SLC66A1: variants seen among roughly 807,000 people sequenced by gnomAD.
The protein encoded by SLC66A1 is lysosomal amino acid transporter 1 homolog.
In SLC66A1, 23 loss-of-function variants were observed where a neutral mutation model predicts 33.0. That is an observed-to-expected ratio of 0.70 (90% CI 0.50 to 0.99). SLC66A1 has a LOEUF of 0.99. Among genes scored for constraint, SLC66A1 ranks in the 50% least tolerant of loss-of-function variants. SLC66A1 has a pLI of 0.00. For synonymous variants in SLC66A1, 164 were observed against 175.5 expected (o/e 0.93, Z 0.52); for missense variants, 335 against 383.6 (o/e 0.87, Z 1.06).
At chr1:19,319,704 A>C (rs1438179377) in intron 2 of SLC66A1, among the ~76,000 whole-genome samples, 2 of 143,836 alleles carry the variant, frequency 1.4e-5, no homozygotes, top group South Asian at 4.5e-4. Flanking sequence ...GGAGTTCAAG[A>C]CCGGCCTGGC....
chr1:19,326,540 C>A lies in SLC66A1; in HGVS notation c.535C>A (p.Arg179=), dbSNP rs747371821. The A allele has an allele frequency of 1.2e-6, 2 of 1,614,130 alleles. No homozygotes were observed. Among genetic ancestry groups the A allele is most frequent in the African/African-American group, 2.7e-5 (2 of 74,956 alleles). ...CCCTTCTGCCCCACAGCCCTTCACC[C>A]GGCAGGAAGTCATTGGCTTCGTCAT... ...SVESGSKPFT[R]QEVIGFVIGS... The change falls in exon 6 of 8, where the codon CGG becomes AGG. Residue 179 remains arginine (R), a synonymous_variant. Transcript: ENST00000375153.
At chr1:19,319,605 G>GTTTT (rs569177720) in intron 2 of SLC66A1, among the ~76,000 whole-genome samples, 11,548 of 111,540 alleles carry the variant, frequency 0.1, 1,461 homozygotes, top group African/African-American at 0.2. Flanking sequence ...GCACATTCAT[G>GTTTT]TTTTTTTTTT....
Position 19,325,590 on chromosome 1 carries a change from T to TGG in SLC66A1, c.382+11_382+12dup, listed in dbSNP as rs979140390. On this transcript the variant is annotated intron_variant, in intron 4 of 7. Transcript: ENST00000375153. ...GGACGCGCCCCTCTCTGTGTGAGTA[T>TGG]GGGGACCGCTCTCTGTCAGATGCTC... The TGG allele has an allele frequency of 4.8e-6, 7 of 1,468,106 alleles. No individual in the cohort carries two copies. In the African/African-American group the frequency reaches 1.0e-4, roughly 22 times the overall value. The allele number at this position is 1,468,106 out of a possible 1,614,324, so 90.9% of individuals were successfully genotyped here.
rs1195990112 is a variant in SLC66A1 at position 19,317,732 on chromosome 1, A to C, written c.55A>C (p.Ile19Leu). Residue 19 changes from isoleucine to leucine, a missense_variant, in exon 2 of 8, where the codon ATC becomes CTC. Coordinates refer to ENST00000375153, the MANE Select transcript of SLC66A1 (RefSeq NM_001040125.2). Reference sequence around the variant, plus strand: ...CTTCTCCAGCTGCCCCAGTGGCTCCATCCAGTGGATATGGGATGTGTTGGG... The same window carrying C: ...CTTCTCCAGCTGCCCCAGTGGCTCCCTCCAGTGGATATGGGATGTGTTGGG... ...RNFSSCPSGS[I>L]QWIWDVLGEC... The C allele has an allele frequency of 6.2e-7, 1 of 1,614,070 alleles. No individual in the cohort carries two copies. Among genetic ancestry groups the C allele is most frequent in the African/African-American group, 1.3e-5 (1 of 74,936 alleles).
intron 2 of SLC66A1, among the ~76,000 whole-genome samples, chr1:19,321,024 T>C (rs2093834188): frequency 6.7e-6 from 1 of 149,948 alleles, no homozygotes; most frequent in South Asian, 2.1e-4. Context: ...TCTTTTCACT[T>C]TCTTGATGGT....
At chr1:19,333,793 A>G (rs765847989), downstream of SLC66A1, among the ~76,000 whole-genome samples, 17 of 152,124 alleles carry the variant, frequency 1.1e-4, no homozygotes, top group Admixed American at 2.6e-4. The surrounding 1 kb of genome is among the most constrained non-coding windows in gnomAD (Gnocchi z 4.2). Flanking sequence ...AGACCTAGCT[A>G]CCTGGGAGGT....
At position 19,325,551 on chromosome 1, in the gene SLC66A1, T is replaced by A; in HGVS notation, c.351T>A (p.Phe117Leu). Residue 117 changes from phenylalanine (F) to leucine (L), a missense_variant, in exon 4 of 8, where the codon TTT (phenylalanine) becomes TTA (leucine). Phe to Leu is a conservative substitution (Grantham distance 22, BLOSUM62 0). Coordinates refer to ENST00000375153, the MANE Select transcript of SLC66A1 (RefSeq NM_001040125.2). Reference sequence around the variant, plus strand: ...ACCTGGTGATGCTGACGCTGTACTTTTACTACAAGTTCAGGACGCGCCCCT... The same window carrying A: ...ACCTGGTGATGCTGACGCTGTACTTATACTACAAGTTCAGGACGCGCCCCT... ...LADLVMLTLYFYYKFRTRPSL... is the reference protein window; with the variant it reads ...LADLVMLTLYLYYKFRTRPSL... The A allele has an allele frequency of 2.5e-6, 4 of 1,596,598 alleles. No homozygotes were observed. The highest frequency in any genetic ancestry group is 3.4e-6 in the Non-Finnish European group (4 of 1,167,902).
intron 1 of SLC66A1, among the ~76,000 whole-genome samples, chr1:19,316,393 GTTTTC>G (rs1428850631): frequency 7.0e-6 from 1 of 142,564 alleles, no homozygotes; most frequent in Non-Finnish European, 1.5e-5. Flanking sequence ...GTGTGTGTGT[GTTTTC>G]TTTTAAGACA....
intron 2 of SLC66A1, 106 bp from the exon 3 acceptor site, chr1:19,324,527 G>A (rs2093853280): frequency 1.1e-5 from 16 of 1,412,486 alleles, no homozygotes; most frequent in African/African-American, 1.4e-5. Context: ...CCTCTCCATC[G>A]CCGCCTCGAT....
At chr1:19,321,907 C>G (rs1161652213) in intron 2 of SLC66A1, among the ~76,000 whole-genome samples, 1 of 152,198 alleles carries the variant, frequency 6.6e-6, no homozygotes, top group Non-Finnish European at 1.5e-5. Context: ...AAAGACTGTC[C>G]TTCCCCATTG....
chr1:19,334,408 T>C, the SLC66A1 span, among the ~76,000 whole-genome samples: 1 of 152,160 alleles, frequency 6.6e-6, no homozygotes, highest in African/African-American at 2.4e-5. Context: ...GATGGGAAGT[T>C]ATGGGTAATG....
At position 19,317,497 on chromosome 1, in the gene SLC66A1, G is replaced by A. The variant is rs375786563; in HGVS notation, c.-78-103G>A. The A allele has an allele frequency of 1.4e-5, 19 of 1,361,174 alleles. 1 individual carries two copies. The highest frequency in any genetic ancestry group is 2.6e-5 in the East Asian group (1 of 38,976). The allele number at this position is 1,361,174 out of a possible 1,614,324, so 84.3% of individuals were successfully genotyped here. On this transcript the variant is annotated intron_variant, in intron 1 of 7. Transcript: ENST00000375153. ...TGTCTTTGCCCTTCTCTGGCTCAGG[G>A]CCAGGAGCCCCGTGAAAAGGCTGGG...
In SLC66A1 at chr1:19,312,995, G is replaced by C. The variant is rs2231191; in HGVS notation, c.-79+106G>C. 358 of 155,852 alleles carry C rather than the reference G, an allele frequency of 2.3e-3. 2 individuals are homozygous for C. The highest frequency in any genetic ancestry group is 8.5e-3 in the African/African-American group (354 of 41,624). The allele number at this position is 155,852 out of a possible 1,614,324, so 9.7% of individuals were successfully genotyped here. On this transcript the variant is annotated intron_variant, in intron 1 of 7. Coordinates refer to ENST00000375153, the MANE Select transcript of SLC66A1 (RefSeq NM_001040125.2). Reference sequence around the variant, plus strand: ...ATCAACGCTTACTGAAGGCGCCTGTGTGCCCGGACGCTGGAGGGGCTACAA... The same window carrying C: ...ATCAACGCTTACTGAAGGCGCCTGTCTGCCCGGACGCTGGAGGGGCTACAA...
At chr1:19,315,020 G>C (rs2093797655) in intron 1 of SLC66A1, among the ~76,000 whole-genome samples, 1 of 152,100 alleles carries the variant, frequency 6.6e-6, no homozygotes, top group Non-Finnish European at 1.5e-5. Flanking sequence ...TGATTCTCCT[G>C]CCTCAGCCTC....
chr1:19,320,580 A>AT lies in SLC66A1; in HGVS notation c.164+2745dup, dbSNP rs554701043. Among the ~76,000 whole-genome samples the AT allele has an allele frequency of 1.6e-3, 240 of 150,064 alleles. 3 individuals carry two copies. In the South Asian group the frequency reaches 0.025, roughly 15 times the overall value. On this transcript the variant is annotated intron_variant, in intron 2 of 7. Coordinates refer to ENST00000375153, the MANE Select transcript of SLC66A1 (RefSeq NM_001040125.2). Reference sequence around the variant, plus strand: ...AGGCACCTGCCACCACGCCTGGCTAATTTTTTGTATTTTTTTAGTAGAGAC... The same window carrying AT: ...AGGCACCTGCCACCACGCCTGGCTAATTTTTTTGTATTTTTTTAGTAGAGAC...
chr1:19,333,634 A>G (rs575189114), downstream of SLC66A1, among the ~76,000 whole-genome samples: 1 of 152,166 alleles, frequency 6.6e-6, no homozygotes, highest in Non-Finnish European at 1.5e-5. This position sits in a 1 kb window ranked among gnomAD's most constrained non-coding sequence, Gnocchi z 4.2. Flanking sequence ...CAGAGCCTCA[A>G]CTACCCCAGA....
chr1:19,327,505 C>A, intron 7 of SLC66A1, 93 bp downstream of exon 7: 2 of 1,278,058 alleles, frequency 1.6e-6, no homozygotes, highest in Non-Finnish European at 2.2e-6. Context: ...CTCTTCCTCC[C>A]TTCATCCATC....
chr1:19,334,438 CA>C, the SLC66A1 span, among the ~76,000 whole-genome samples: 2 of 152,066 alleles, frequency 1.3e-5, no homozygotes, highest in African/African-American at 4.8e-5. Flanking sequence ...TGACATCTTG[CA>C]ACATTATATT....
chr1:19,312,779 C>G lies in SLC66A1; in HGVS notation c.-189C>G, dbSNP rs11558391. On this transcript the variant is annotated 5_prime_UTR_variant, in exon 1 of 8. Coordinates refer to ENST00000375153, the MANE Select transcript of SLC66A1 (RefSeq NM_001040125.2). ...AGGAGGGAGCTGTGGCCGAGGACGCCGAGGCCTGGAGTGGGTGGTAGCCCC... is the reference window on the plus strand; with the variant it reads ...AGGAGGGAGCTGTGGCCGAGGACGCGGAGGCCTGGAGTGGGTGGTAGCCCC... The G allele has an allele frequency of 6.5e-6, 1 of 153,094 alleles. No individual in the cohort carries two copies. Among genetic ancestry groups the G allele is most frequent in the East Asian group, 1.9e-4 (1 of 5,204 alleles). 9.5% of individuals were successfully genotyped at this position (153,094 alleles called of 1,614,324 possible). A position where few individuals can be genotyped will look rare whatever the true frequency, so the allele number is the denominator to read the frequency against.
Sources: gnomAD v4.1 joint callset for allele counts (sites outside exome capture counted in the v4.1 genomes callset) on GRCh38, gnomAD v4.1.1 for gene constraint, Gnocchi (gnomAD v3.1) non-coding constraint, MANE v1.5 for transcripts, NCBI Gene and HGNC (gene_info 2026-07-23, HGNC 2026-07-21) for gene names.